The following RTL4 variants were observed in gnomAD, a reference collection of about 807,000 sequenced individuals.
RTL4 encodes the protein retrotransposon Gag like 4.
Under a neutral mutation model 5.3 loss-of-function variants are expected in RTL4, and 4 were observed. That is an observed-to-expected ratio of 0.75 (90% CI 0.37 to 1.72). RTL4 has a LOEUF of 1.72. Ranked by LOEUF, RTL4 falls within the 40% of genes most tolerant of loss-of-function variation. The pLI, the probability that RTL4 is intolerant of heterozygous loss-of-function variation, is 0.04. For synonymous variants in RTL4, 98 were observed against 87.3 expected (o/e 1.12, Z -0.68); for missense variants, 260 against 227.1 (o/e 1.14, Z -0.93).
the RTL4 span, among the ~76,000 whole-genome samples, chrX:112,147,730 C>T: frequency 4.7e-4 from 53 of 111,927 alleles, no homozygotes; most frequent in African/African-American, 1.4e-3. Context: ...CTTGACGTCA[C>T]GAGTTCAAGA....
the RTL4 span, among the ~76,000 whole-genome samples, chrX:112,178,058 T>C: frequency 9.0e-6 from 1 of 111,177 alleles, no homozygotes; most frequent in African/African-American, 3.3e-5. Flanking sequence ...TTTGACATGT[T>C]TAACATAGTG....
exon 1 of RTL4, chrX:112,454,719 A>G (rs1926801763): frequency 8.6e-7 from 1 of 1,168,620 alleles, no homozygotes; most frequent in Non-Finnish European, 1.1e-6. Flanking sequence ...ACCTGATTCC[A>G]GGAGACATAA....
chrX:112,441,223 T>C, the RTL4 span, among the ~76,000 whole-genome samples: 4 of 110,720 alleles, frequency 3.6e-5, no homozygotes, highest in Non-Finnish European at 7.6e-5. Flanking sequence ...TGTTAGGCAG[T>C]TCTAAAATTA....
chrX:112,196,874 C>T, the RTL4 span, among the ~76,000 whole-genome samples: 1 of 110,599 alleles, frequency 9.0e-6, no homozygotes, highest in Non-Finnish European at 1.9e-5. Flanking sequence ...TCTTCATATA[C>T]TTTAGACGCT....
chrX:112,116,365 G>T, the RTL4 span, among the ~76,000 whole-genome samples: 2,632 of 110,866 alleles, frequency 0.024, 34 homozygotes, highest in Non-Finnish European at 0.035. Context: ...AGCTCTTAAA[G>T]GTGGCATGGA....
the RTL4 span, among the ~76,000 whole-genome samples, chrX:112,197,753 C>A: frequency 9.0e-6 from 1 of 111,407 alleles, no homozygotes; most frequent in East Asian, 2.8e-4. Flanking sequence ...TTTCTTCTCT[C>A]TACCCTTCAG....
the RTL4 span, among the ~76,000 whole-genome samples, chrX:112,276,789 T>C: frequency 1.8e-5 from 2 of 112,190 alleles, no homozygotes; most frequent in Admixed American, 1.9e-4. Flanking sequence ...CATCAGTTCA[T>C]TGAAATCAAA....
chrX:112,333,967 C>A, the RTL4 span, among the ~76,000 whole-genome samples: 275 of 103,828 alleles, frequency 2.6e-3, 1 homozygote, highest in African/African-American at 9.2e-3. Context: ...CCTTTTCCAA[C>A]CTCTGGAAAT....
the RTL4 span, among the ~76,000 whole-genome samples, chrX:112,255,186 G>C: frequency 1.8e-5 from 2 of 112,191 alleles, no homozygotes; most frequent in African/African-American, 6.5e-5. Context: ...GTAATTTAAA[G>C]ATAGTCTGTG....
At chrX:112,110,013 G>A in the RTL4 span, among the ~76,000 whole-genome samples, 3 of 111,967 alleles carry the variant, frequency 2.7e-5, no homozygotes, top group African/African-American at 9.8e-5. Flanking sequence ...ATTTGACAAG[G>A]AGGTTAAAAA....
the RTL4 span, among the ~76,000 whole-genome samples, chrX:112,306,804 G>A: frequency 9.0e-6 from 1 of 111,480 alleles, no homozygotes; most frequent in African/African-American, 3.3e-5. Flanking sequence ...CTCCTCCGTA[G>A]GAAACTCTAC....
At chrX:112,087,483 A>G in the RTL4 span, among the ~76,000 whole-genome samples, 1 of 111,042 alleles carries the variant, frequency 9.0e-6, no homozygotes, top group African/African-American at 3.3e-5. Flanking sequence ...TATAAAATCT[A>G]TGGAGGCTGG....
the RTL4 span, among the ~76,000 whole-genome samples, chrX:112,190,587 A>T: frequency 8.9e-6 from 1 of 112,174 alleles, no homozygotes. Flanking sequence ...TATAGTATTT[A>T]TGCCACAGGA....
chrX:112,190,157 TTTCTTTC>T, the RTL4 span, among the ~76,000 whole-genome samples: 1 of 86,834 alleles, frequency 1.2e-5, no homozygotes, highest in Non-Finnish European at 2.3e-5. Context: ...TCTTTCTTTC[TTTCTTTC>T]TTTCTTTCTT....
the RTL4 span, among the ~76,000 whole-genome samples, chrX:112,287,122 G>A: frequency 3.6e-5 from 4 of 111,845 alleles, no homozygotes; most frequent in African/African-American, 1.3e-4. Context: ...AGTGCCTAGC[G>A]CAGTGCCTGA....
the RTL4 span, among the ~76,000 whole-genome samples, chrX:112,406,641 G>A: frequency 4.5e-5 from 5 of 111,019 alleles, no homozygotes; most frequent in Non-Finnish European, 9.4e-5. Flanking sequence ...AGAACTGGGG[G>A]AAATGCAACC....
chrX:112,194,333 G>A, the RTL4 span, among the ~76,000 whole-genome samples: 1 of 111,185 alleles, frequency 9.0e-6, no homozygotes, highest in South Asian at 3.8e-4. Flanking sequence ...ATTAGGGTTA[G>A]ATGGGGTCAT....
chrX:112,356,964 C>T, the RTL4 span, among the ~76,000 whole-genome samples: 2 of 111,296 alleles, frequency 1.8e-5, no homozygotes. Flanking sequence ...ATATATGCCA[C>T]CTGTGAATGT....
At chrX:112,350,501 T>C in the RTL4 span, among the ~76,000 whole-genome samples, 2 of 110,788 alleles carry the variant, frequency 1.8e-5, no homozygotes, top group Non-Finnish European at 3.8e-5. Context: ...TCCTGGACTC[T>C]TTTTGGTTGG....
Sources: allele counts gnomAD v4.1 joint callset (sites outside exome capture counted in the v4.1 genomes callset), GRCh38; gene constraint gnomAD v4.1.1; transcripts MANE v1.5; gene names NCBI Gene and HGNC (gene_info 2026-07-23, HGNC 2026-07-21).